The following PPM1L variants were observed in gnomAD, a reference collection of about 807,000 sequenced individuals.
PPM1L encodes the protein protein phosphatase, Mg2+/Mn2+ dependent 1L.
A neutral mutation model predicts 31.4 loss-of-function variants in PPM1L; 13 were observed. The observed-to-expected ratio is 0.41, with a 90% CI of 0.27 to 0.66. PPM1L has a LOEUF of 0.66. Ranked by LOEUF, PPM1L falls within the 30% of genes least tolerant of loss-of-function variation. The pLI is 0.29. For synonymous variants in PPM1L, 184 were observed against 175.4 expected (o/e 1.05, Z -0.39); for missense variants, 326 against 453.7 (o/e 0.72, Z 2.56).
At chr3:160,988,627 T>G (rs1717038705) in intron 2 of PPM1L, among the ~76,000 whole-genome samples, 1 of 152,138 alleles carries the variant, frequency 6.6e-6, no homozygotes, top group South Asian at 2.1e-4. Flanking sequence ...AAAAAAGAAA[T>G]AGAATGTTTT....
intron 1 of PPM1L, among the ~76,000 whole-genome samples, chr3:160,818,720 A>G (rs1713068581): frequency 6.6e-6 from 1 of 151,754 alleles, no homozygotes; most frequent in South Asian, 2.1e-4. Flanking sequence ...GTTTTTATTA[A>G]CACATAATAA....
intron 1 of PPM1L, among the ~76,000 whole-genome samples, chr3:160,792,495 A>G (rs1180957048): frequency 6.6e-6 from 1 of 151,754 alleles, no homozygotes; most frequent in African/African-American, 2.4e-5. Context: ...CCAGTTTATT[A>G]TTAACATCTT....
chr3:160,849,340 C>T (rs1560125505), intron 1 of PPM1L, among the ~76,000 whole-genome samples: 2 of 152,168 alleles, frequency 1.3e-5, no homozygotes, highest in Admixed American at 6.5e-5. Context: ...TTCAGCATTC[C>T]CTGCATCCAA....
intron 2 of PPM1L, among the ~76,000 whole-genome samples, chr3:160,981,730 C>CT (rs1275004007): frequency 1.8e-5 from 2 of 112,216 alleles, no homozygotes; most frequent in African/African-American, 6.5e-5. Context: ...CTTTCCTTCT[C>CT]ATTTTATTTA....
intron 2 of PPM1L, among the ~76,000 whole-genome samples, chr3:160,973,677 T>C (rs1716431508): frequency 6.6e-6 from 1 of 151,344 alleles, no homozygotes; most frequent in Admixed American, 6.6e-5. Context: ...TGCTGTTTAA[T>C]GCCATTTTGC....
At chr3:160,834,551 G>A (rs565353913) in intron 1 of PPM1L, among the ~76,000 whole-genome samples, 76 of 150,260 alleles carry the variant, frequency 5.1e-4, no homozygotes, top group Non-Finnish European at 1.0e-3. Flanking sequence ...GAACTTCCTT[G>A]TACTCTCCAT....
intron 2 of PPM1L, among the ~76,000 whole-genome samples, chr3:161,031,711 G>T (rs1004633121): frequency 6.6e-6 from 1 of 151,808 alleles, no homozygotes; most frequent in African/African-American, 2.4e-5. Flanking sequence ...TCGCTGTGTT[G>T]CCCAGGCTGG....
intron 1 of PPM1L, among the ~76,000 whole-genome samples, chr3:160,863,222 T>C (rs1560130573): frequency 6.6e-6 from 1 of 152,210 alleles, no homozygotes; most frequent in Non-Finnish European, 1.5e-5. Context: ...CTGAAGATGA[T>C]AGAATTTTTA....
At chr3:160,768,871 T>A (rs1715177178) in intron 1 of PPM1L, among the ~76,000 whole-genome samples, 1 of 152,244 alleles carries the variant, frequency 6.6e-6, no homozygotes, top group Non-Finnish European at 1.5e-5. Flanking sequence ...TTCAAGGCTC[T>A]GGTTCAGTGT....
chr3:160,947,405 G>C (rs377277004), intron 1 of PPM1L, among the ~76,000 whole-genome samples: 3 of 151,992 alleles, frequency 2.0e-5, no homozygotes, highest in African/African-American at 7.3e-5. Flanking sequence ...AAAATATACT[G>C]TTTTTCCTGT....
intron 2 of PPM1L, among the ~76,000 whole-genome samples, chr3:161,004,913 G>A (rs1389056017): frequency 6.6e-6 from 1 of 152,074 alleles, no homozygotes; most frequent in Non-Finnish European, 1.5e-5. Flanking sequence ...TGCTTTTCTA[G>A]TTCTTTTAAT....
At chr3:160,829,282 G>A (rs1713446363) in intron 1 of PPM1L, among the ~76,000 whole-genome samples, 3 of 151,646 alleles carry the variant, frequency 2.0e-5, no homozygotes, top group South Asian at 2.1e-4. Context: ...GTGGTATATG[G>A]CACCAATGAA....
intron 1 of PPM1L, among the ~76,000 whole-genome samples, chr3:160,777,021 A>G (rs1176134908): frequency 1.3e-5 from 2 of 151,744 alleles, no homozygotes; most frequent in Non-Finnish European, 2.9e-5. Flanking sequence ...CTAGTATGAA[A>G]GTTTAAGCTA....
chr3:160,837,461 TAGAG>T (rs1713755097), intron 1 of PPM1L, among the ~76,000 whole-genome samples: 1 of 152,250 alleles, frequency 6.6e-6, no homozygotes, highest in South Asian at 2.1e-4. Flanking sequence ...GTTGTGCATG[TAGAG>T]AAGGAAGTCT....
chr3:160,881,976 G>C (rs577270366), intron 1 of PPM1L, among the ~76,000 whole-genome samples: 1 of 151,984 alleles, frequency 6.6e-6, no homozygotes, highest in Non-Finnish European at 1.5e-5. Context: ...GTGTGAACTC[G>C]GGAAGCGGAG....
intron 2 of PPM1L, among the ~76,000 whole-genome samples, chr3:161,046,364 A>G (rs1719069348): frequency 1.3e-5 from 2 of 152,208 alleles, no homozygotes; most frequent in South Asian, 4.1e-4. Flanking sequence ...TCTTGGACAC[A>G]TACACCATCC....
chr3:160,885,595 TG>T (rs1283615706), intron 1 of PPM1L, among the ~76,000 whole-genome samples: 1 of 152,200 alleles, frequency 6.6e-6, no homozygotes, highest in Non-Finnish European at 1.5e-5. Context: ...CAGTGTGGTG[TG>T]GTGGCCCACC....
chr3:160,904,535 T>C (rs1368217286), intron 1 of PPM1L, among the ~76,000 whole-genome samples: 1 of 152,148 alleles, frequency 6.6e-6, no homozygotes, highest in East Asian at 1.9e-4. Context: ...GAGGAACAGA[T>C]GGTAAAGAGT....
intron 2 of PPM1L, among the ~76,000 whole-genome samples, chr3:161,057,888 A>C (rs192295907): frequency 2.6e-5 from 4 of 151,942 alleles, no homozygotes; most frequent in African/African-American, 9.6e-5. Flanking sequence ...TCCCATCAAA[A>C]GTAGCAGGGT....
Sources: allele counts gnomAD v4.1 joint callset (sites outside exome capture counted in the v4.1 genomes callset), GRCh38; gene constraint gnomAD v4.1.1; transcripts MANE v1.5; gene names NCBI Gene and HGNC (gene_info 2026-07-23, HGNC 2026-07-21).